TBC1D22A: variants seen among roughly 807,000 people sequenced by gnomAD.
TBC1D22A encodes TBC1 domain family member 22A.
TBC1D22A carries 38 observed loss-of-function variants against 60.2 expected under a neutral mutation model. The observed-to-expected ratio is 0.63, with a 90% CI of 0.49 to 0.83. The LOEUF (loss-of-function observed/expected upper bound fraction) is 0.83. Ranked by LOEUF, TBC1D22A falls within the 40% of genes least tolerant of loss-of-function variation. The probability of loss-of-function intolerance (pLI) is 0.00; values close to 1 mark genes in which losing one functional copy is unlikely to be tolerated. For synonymous variants in TBC1D22A, 302 were observed against 281.7 expected, an observed-to-expected ratio of 1.07 and a Z score of -0.72; for missense variants, 628 against 701.0, an observed-to-expected ratio of 0.90 and a Z score of 1.18.
At chr22:46,786,683 T>C (rs1421008299) in intron 1 of TBC1D22A, among the ~76,000 whole-genome samples, 1 of 152,200 alleles carries the variant, frequency 6.6e-6, no homozygotes, top group Non-Finnish European at 1.5e-5. Context: ...ATTTAGTCTC[T>C]TTATTTTTAT....
chr22:46,858,915 AATG>A (rs2087717839), intron 4 of TBC1D22A, among the ~76,000 whole-genome samples: 1 of 152,246 alleles, frequency 6.6e-6, no homozygotes, highest in African/African-American at 2.4e-5. Context: ...ACAAAACAAA[AATG>A]ATGAGAAAAA....
intron 8 of TBC1D22A, among the ~76,000 whole-genome samples, chr22:46,945,839 G>A (rs1175066860): frequency 6.6e-6 from 1 of 152,064 alleles, no homozygotes; most frequent in Non-Finnish European, 1.5e-5. Context: ...ACTCATCCAC[G>A]GCCCACAGCT....
chr22:47,156,832 G>A (rs13055519), intron 12 of TBC1D22A, among the ~76,000 whole-genome samples: 6,146 of 152,244 alleles, frequency 0.04, 153 homozygotes, highest in Non-Finnish European at 0.058. Flanking sequence ...TGCTGCCCGC[G>A]CCGACCACCC....
intron 9 of TBC1D22A, among the ~76,000 whole-genome samples, chr22:46,993,665 GC>G (rs769625364): frequency 1.3e-5 from 2 of 152,312 alleles, no homozygotes; most frequent in Non-Finnish European, 2.9e-5. Flanking sequence ...CTACCCAGGG[GC>G]CTTGGTGCAG....
At chr22:46,934,892 A>C (rs1426567916) in intron 8 of TBC1D22A, among the ~76,000 whole-genome samples, 1 of 152,208 alleles carries the variant, frequency 6.6e-6, no homozygotes, top group Non-Finnish European at 1.5e-5. Context: ...TGGTGGCCAC[A>C]GCGTTTTCAC....
rs1364628546 is a variant in TBC1D22A, at chr22:47,028,950, A to G, written c.1202-8121A>G. On this transcript the variant is annotated intron_variant, in intron 10 of 12. Transcript: ENST00000337137. This position sits in a 1 kb window ranked among gnomAD's most constrained non-coding sequence, Gnocchi z 4.4. ...CTTAACAAGAGCACCCTCACTTCAG[A>G]CTCCAGCTGCACCTCAGTGGTCCCC... is the stretch of plus-strand genomic sequence containing the variant. Among the ~76,000 whole-genome samples, 1 of 151,892 alleles carries G rather than the reference A, an allele frequency of 6.6e-6. No homozygotes were observed. Among genetic ancestry groups the G allele is most frequent in the Non-Finnish European group, 1.5e-5 (1 of 67,936 alleles).
chr22:46,842,268 A>C (rs79551666), intron 4 of TBC1D22A, among the ~76,000 whole-genome samples: 1,701 of 152,360 alleles, frequency 0.011, 44 homozygotes, highest in African/African-American at 0.039. Context: ...GTGGGATCTC[A>C]TTCGGCCAAA....
At chr22:47,081,406 A>G (rs188431673) in intron 11 of TBC1D22A, among the ~76,000 whole-genome samples, 1 of 152,326 alleles carries the variant, frequency 6.6e-6, no homozygotes, top group Non-Finnish European at 1.5e-5. Context: ...TGAAGTTATC[A>G]AATGCTTTTC....
intron 8 of TBC1D22A, among the ~76,000 whole-genome samples, chr22:46,947,422 G>A (rs2072616610): frequency 6.6e-6 from 1 of 152,204 alleles, no homozygotes; most frequent in South Asian, 2.1e-4. Flanking sequence ...AAGGTGGACG[G>A]TTGGACGTTT....
intron 10 of TBC1D22A, among the ~76,000 whole-genome samples, chr22:47,023,181 T>A (rs1040216077): frequency 6.6e-6 from 1 of 152,200 alleles, no homozygotes; most frequent in African/African-American, 2.4e-5. Flanking sequence ...ATGGAAGTTA[T>A]AAAAATGATC....
chr22:47,132,061 C>T (rs537647600), intron 12 of TBC1D22A, among the ~76,000 whole-genome samples: 2 of 152,244 alleles, frequency 1.3e-5, no homozygotes, highest in Admixed American at 1.3e-4. Flanking sequence ...TTTCTTAGCA[C>T]CTCCCTCGGT....
chr22:46,839,514 C>T (rs772953905), intron 4 of TBC1D22A, among the ~76,000 whole-genome samples: 1 of 130,166 alleles, frequency 7.7e-6, no homozygotes, highest in African/African-American at 2.9e-5. Context: ...TTAAAATGTC[C>T]ACACTATGTA....
intron 12 of TBC1D22A, among the ~76,000 whole-genome samples, chr22:47,114,690 GC>G (rs1197220546): frequency 6.6e-6 from 1 of 152,142 alleles, no homozygotes; most frequent in African/African-American, 2.4e-5. Context: ...GGCTTTAAAA[GC>G]CCTCATTTGT....
At position 47,121,714 on chromosome 22, in the gene TBC1D22A, ATT is replaced by A. The variant is rs200665461; in HGVS notation, c.1425+10123_1425+10124del. Reference sequence around the variant, plus strand: ...ATTTTATTTTCTTGTTTGAAAAAAAATTTTTTTTTTTTTGTATTTTGCATGTT... The same window carrying A: ...ATTTTATTTTCTTGTTTGAAAAAAAATTTTTTTTTTTGTATTTTGCATGTT... On this transcript the variant is annotated intron_variant, in intron 12 of 12. Transcript: ENST00000337137. Among the ~76,000 whole-genome samples the A allele has an allele frequency of 8.3e-4, 122 of 147,496 alleles. 3 individuals are homozygous for A. In the South Asian group the frequency reaches 0.021, roughly 26 times the overall value.
At chr22:47,059,661 C>A (rs59387314) in intron 11 of TBC1D22A, among the ~76,000 whole-genome samples, 5,109 of 152,288 alleles carry the variant, frequency 0.034, 258 homozygotes, top group African/African-American at 0.11. Context: ...AGTGTGTAAG[C>A]CTCAAAGGTC....
At chr22:46,968,118 T>A (rs537625348) in intron 8 of TBC1D22A, among the ~76,000 whole-genome samples, 1 of 152,348 alleles carries the variant, frequency 6.6e-6, no homozygotes, top group Admixed American at 6.5e-5. Context: ...ACCCACGCAC[T>A]GCGTGGCATG....
intron 11 of TBC1D22A, among the ~76,000 whole-genome samples, chr22:47,060,828 C>T (rs1243717290): frequency 6.6e-6 from 1 of 152,206 alleles, no homozygotes; most frequent in Non-Finnish European, 1.5e-5. Context: ...CCCTGGTGTC[C>T]CATGTGTCTG....
intron 11 of TBC1D22A, among the ~76,000 whole-genome samples, chr22:47,091,355 G>C (rs1429321381): frequency 9.5e-6 from 1 of 105,106 alleles, no homozygotes; most frequent in Non-Finnish European, 1.8e-5. Flanking sequence ...TCTTTGGGGG[G>C]AGTGGCCTCG....
At chr22:47,036,194 C>CA (rs1176133604) in intron 10 of TBC1D22A, among the ~76,000 whole-genome samples, 1 of 152,138 alleles carries the variant, frequency 6.6e-6, no homozygotes, top group Non-Finnish European at 1.5e-5. Flanking sequence ...ACCAAGGATC[C>CA]ACTATCCGGC....
Sources: allele counts gnomAD v4.1 joint callset (sites outside exome capture counted in the v4.1 genomes callset), GRCh38; gene constraint gnomAD v4.1.1; non-coding constraint Gnocchi (gnomAD v3.1); transcripts MANE v1.5; gene names NCBI Gene and HGNC (gene_info 2026-07-23, HGNC 2026-07-21).